FRMPD4: variants seen among roughly 807,000 people sequenced by gnomAD.
FRMPD4 encodes FERM and PDZ domain-containing protein 4.
A neutral mutation model predicts 94.1 loss-of-function variants in FRMPD4; 22 were observed. The ratio of observed to expected loss-of-function variants is 0.23; its 90% CI spans 0.17 to 0.33. FRMPD4 has a LOEUF of 0.33. Among genes scored for constraint, FRMPD4 ranks in the 10% least tolerant of loss-of-function variants. FRMPD4 has a pLI of 1.00. For missense variants in FRMPD4, 1,111 were observed against 1,339.9 expected (o/e 0.83, Z 2.67); for synonymous variants, 631 against 548.6 (o/e 1.15, Z -2.10).
chrX:12,229,462 T>C (rs2056959853), intron 1 of FRMPD4, among the ~76,000 whole-genome samples: 1 of 111,914 alleles, frequency 8.9e-6, no homozygotes, highest in Non-Finnish European at 1.9e-5. Flanking sequence ...CATGTTCACT[T>C]CTTACCCTTC....
At chrX:12,351,955 G>A (rs1271563936) in intron 1 of FRMPD4, among the ~76,000 whole-genome samples, 1 of 112,273 alleles carries the variant, frequency 8.9e-6, no homozygotes, top group Non-Finnish European at 1.9e-5. Context: ...GTGCTGACGT[G>A]AACATCCTAC....
intron 1 of FRMPD4, among the ~76,000 whole-genome samples, chrX:12,194,376 G>A (rs1442474188): frequency 9.2e-6 from 1 of 108,622 alleles, no homozygotes; most frequent in African/African-American, 3.4e-5. Context: ...GGATATGAGT[G>A]AAAATTCGCT....
intron 2 of FRMPD4, among the ~76,000 whole-genome samples, chrX:12,521,959 T>A (rs1341654562): frequency 9.1e-6 from 1 of 110,345 alleles, no homozygotes; most frequent in Non-Finnish European, 1.9e-5. Flanking sequence ...GGAATACCCA[T>A]GGGGCTATAG....
intron 1 of FRMPD4, among the ~76,000 whole-genome samples, chrX:12,309,527 G>A (rs968572801): frequency 2.7e-5 from 3 of 111,808 alleles, no homozygotes; most frequent in African/African-American, 6.5e-5. Context: ...TCATTTGGTC[G>A]TTTACTAAGC....
At chrX:12,554,856 C>G (rs1286994514) in intron 2 of FRMPD4, among the ~76,000 whole-genome samples, 4 of 111,568 alleles carry the variant, frequency 3.6e-5, no homozygotes, top group Admixed American at 1.9e-4. Flanking sequence ...CTCAAGTGAT[C>G]CACCAATCTT....
Position 12,686,201 on chromosome X carries a change from TA to T in FRMPD4, c.680del (p.Lys227ArgfsTer5). ...TTCGTTTTGACTGCAGCACTTCCAT[TA>T]AGGTAAGATGACCTGGTAAACTCTG... ...SFRFDCSTSI[K>X]DVILTLQEKL... is the part of the protein sequence containing the mutation. On this transcript the variant is annotated frameshift_variant and splice_region_variant, in exon 7 of 17. Transcript: ENST00000675598. LOFTEE classifies it high-confidence loss of function. The T allele has an allele frequency of 9.7e-7, 1 of 1,035,716 alleles. No homozygotes were observed. The highest frequency in any genetic ancestry group is 1.4e-6 in the Non-Finnish European group (1 of 736,657). The allele number at this position is 1,035,716 out of a possible 1,213,427, so 85.4% of individuals were successfully genotyped here.
chrX:12,546,236 G>T (rs4559426), intron 2 of FRMPD4, among the ~76,000 whole-genome samples: 1 of 104,328 alleles, frequency 9.6e-6, no homozygotes, highest in Non-Finnish European at 2.0e-5. Flanking sequence ...GGTGGAGTGC[G>T]GTGGCGTGGT....
At chrX:12,054,435 C>T (rs1242971827) in intron 3 of FRMPD4, among the ~76,000 whole-genome samples, 1 of 111,397 alleles carries the variant, frequency 9.0e-6, no homozygotes. Flanking sequence ...GTGTTTGAGT[C>T]ATCATGGCAC....
At chrX:12,715,971 A>G in intron 14 of FRMPD4, 98 bp from the exon 15 acceptor site, 1 of 472,524 alleles carries the variant, frequency 2.1e-6, no homozygotes, top group South Asian at 4.2e-5. Context: ...TGATGCTACA[A>G]GCCATTAAGT....
chrX:12,294,485 C>CACAG (rs34874624), intron 1 of FRMPD4, among the ~76,000 whole-genome samples: 10 of 92,095 alleles, frequency 1.1e-4, no homozygotes, highest in African/African-American at 3.6e-4. Flanking sequence ...CACACACACA[C>CACAG]AGAGAGAGAG....
chrX:12,717,113 A>C lies in FRMPD4; in HGVS notation c.2654A>C (p.Gln885Pro), dbSNP rs780563175. 3 of 1,164,408 alleles carry C rather than the reference A, an allele frequency of 2.6e-6. No homozygotes were observed. The highest frequency in any genetic ancestry group is 1.8e-5 in the African/African-American group (1 of 56,266). The part of the protein sequence containing the change: ...ALEALSVSEE[Q>P]QTSDNSGVAI... ...GAGGCTCTATCCGTGTCAGAAGAAC[A>C]GCAGACCAGTGACAATTCAGGTTCT... Residue 885 changes from glutamine (Q) to proline (P), a missense_variant, in exon 15 of 17, where the codon CAG (glutamine) becomes CCG (proline). Around this residue, in one of 8 missense-constraint regions of FRMPD4, gnomAD observed 74 missense variants for 93.9 expected, o/e 0.79. Coordinates refer to ENST00000675598, the MANE Select transcript of FRMPD4 (RefSeq NM_001368397.1).
At chrX:12,492,787 G>A (rs1421534953) in intron 1 of FRMPD4, among the ~76,000 whole-genome samples, 1 of 111,697 alleles carries the variant, frequency 9.0e-6, no homozygotes, top group Non-Finnish European at 1.9e-5. Context: ...TGCTAATAAG[G>A]AACAGTAGAA....
chrX:12,374,655 G>A (rs1450631501), intron 1 of FRMPD4, among the ~76,000 whole-genome samples: 1 of 112,163 alleles, frequency 8.9e-6, no homozygotes, highest in Non-Finnish European at 1.9e-5. Flanking sequence ...AGAGGGCTAA[G>A]ATTAGGGTGA....
chrX:12,424,987 C>G (rs1294094035), intron 1 of FRMPD4, among the ~76,000 whole-genome samples: 1 of 112,372 alleles, frequency 8.9e-6, no homozygotes, highest in Admixed American at 9.4e-5. Flanking sequence ...GGGATATTTT[C>G]TGTAGGTTGA....
At chrX:12,446,422 T>G (rs1043327539) in intron 1 of FRMPD4, among the ~76,000 whole-genome samples, 2 of 111,658 alleles carry the variant, frequency 1.8e-5, no homozygotes, top group African/African-American at 6.5e-5. Context: ...TTTGGGGCAA[T>G]TGAGGTGTTT....
At chrX:12,171,713 G>A (rs960939929) in intron 1 of FRMPD4, among the ~76,000 whole-genome samples, 5 of 112,139 alleles carry the variant, frequency 4.5e-5, no homozygotes, top group African/African-American at 1.6e-4. Context: ...ATGAGCGTGG[G>A]ACTTCATATC....
chrX:12,417,737 CG>C (rs1332283468), intron 1 of FRMPD4, among the ~76,000 whole-genome samples: 1 of 108,652 alleles, frequency 9.2e-6, no homozygotes, highest in Admixed American at 9.8e-5. Context: ...TGGCCAGGCA[CG>C]GTGGCTCAAG....
intron 3 of FRMPD4, among the ~76,000 whole-genome samples, chrX:12,104,315 T>C (rs2055278521): frequency 8.9e-6 from 1 of 112,037 alleles, no homozygotes; most frequent in Non-Finnish European, 1.9e-5. Flanking sequence ...TTATGGTAAT[T>C]AGTAAGCAGG....
intron 3 of FRMPD4, among the ~76,000 whole-genome samples, chrX:11,999,626 G>A (rs1302190576): frequency 8.9e-6 from 1 of 112,158 alleles, no homozygotes; most frequent in African/African-American, 3.2e-5. Context: ...ATTTACCATG[G>A]CAAGATAAGT....
Sources: allele counts gnomAD v4.1 joint callset (sites outside exome capture counted in the v4.1 genomes callset), GRCh38; gene constraint gnomAD v4.1.1; regional missense constraint gnomAD v4.1.1; transcripts MANE v1.5; gene names NCBI Gene and HGNC (gene_info 2026-07-23, HGNC 2026-07-21).